Variants in TUSC3 observed in about 807,000 individuals in gnomAD.
TUSC3 encodes dolichyl-diphosphooligosaccharide--protein glycosyltransferase subunit TUSC3.
Under a neutral mutation model 44.8 loss-of-function variants are expected in TUSC3, and 45 were observed. The observed-to-expected ratio is 1.00, with a 90% CI of 0.79 to 1.29. The LOEUF (loss-of-function observed/expected upper bound fraction) is 1.29. Ranked by LOEUF, TUSC3 falls within the 50% of genes most tolerant of loss-of-function variation. The pLI is 0.00. For synonymous variants in TUSC3, 212 were observed against 152.9 expected (o/e 1.39, Z -2.85); for missense variants, 519 against 437.9 (o/e 1.19, Z -1.65).
intron 9 of TUSC3, among the ~76,000 whole-genome samples, chr8:15,749,991 T>G (rs943481853): frequency 2.2e-4 from 33 of 150,832 alleles, no homozygotes; most frequent in African/African-American, 7.8e-4. Flanking sequence ...AGATTTTTTT[T>G]TTTTTTGAAA....
chr8:15,632,029 A>G (rs1805792409), intron 2 of TUSC3, among the ~76,000 whole-genome samples: 1 of 152,118 alleles, frequency 6.6e-6, no homozygotes, highest in Non-Finnish European at 1.5e-5. Flanking sequence ...ATATAATTAG[A>G]ACACCATTAT....
chr8:15,551,154 T>G (rs1013424975), intron 1 of TUSC3, among the ~76,000 whole-genome samples: 1 of 151,748 alleles, frequency 6.6e-6, no homozygotes, highest in Non-Finnish European at 1.5e-5. Flanking sequence ...AGAAAAAGTT[T>G]CCCATTAGTT....
chr8:15,420,822 CAT>C (rs2129115027), intron 1 of TUSC3, among the ~76,000 whole-genome samples: 1 of 152,214 alleles, frequency 6.6e-6, no homozygotes, highest in Non-Finnish European at 1.5e-5. Context: ...TGTCTTAGCT[CAT>C]AGGTCACTTG....
chr8:15,520,596 C>G (rs561779032), intron 2 of TUSC3, among the ~76,000 whole-genome samples: 1 of 152,090 alleles, frequency 6.6e-6, no homozygotes, highest in Non-Finnish European at 1.5e-5. Flanking sequence ...GTGTGATAAC[C>G]AATATTTGTA....
intron 5 of TUSC3, among the ~76,000 whole-genome samples, chr8:15,673,155 C>T (rs997945328): frequency 6.6e-6 from 1 of 152,096 alleles, no homozygotes; most frequent in African/African-American, 2.4e-5. Context: ...CCAACTACAG[C>T]TTTGTCTGAT....
At chr8:15,527,505 C>G (rs1183452633) in intron 2 of TUSC3, among the ~76,000 whole-genome samples, 2 of 152,202 alleles carry the variant, frequency 1.3e-5, no homozygotes, top group African/African-American at 4.8e-5. Context: ...ATGTGAGTCA[C>G]TGTGCCCGGC....
At chr8:15,744,899 C>T (rs1342467992) in intron 8 of TUSC3, among the ~76,000 whole-genome samples, 1 of 151,958 alleles carries the variant, frequency 6.6e-6, no homozygotes, top group Admixed American at 6.6e-5. Context: ...TCTCATCACC[C>T]AATAATGAGC....
At chr8:15,627,694 C>T (rs774526494) in intron 2 of TUSC3, among the ~76,000 whole-genome samples, 2 of 152,212 alleles carry the variant, frequency 1.3e-5, no homozygotes, top group African/African-American at 2.4e-5. Flanking sequence ...GCCGGGGAAG[C>T]TGCTTGCAGT....
chr8:15,524,594 G>A (rs186016721), intron 2 of TUSC3, among the ~76,000 whole-genome samples: 75 of 152,266 alleles, frequency 4.9e-4, no homozygotes, highest in Non-Finnish European at 9.4e-4. Flanking sequence ...CTCAAAGAGC[G>A]TAATTGGTGC....
rs181316028 is a variant in TUSC3, at chr8:15,726,783, G to T, written c.799-3883G>T. Reference sequence around the variant, plus strand: ...ATCATGCCACTGCAGTCCAGCCTGGGTGAAAAGCGTGAAACTTTGTCTCAA... The same window carrying T: ...ATCATGCCACTGCAGTCCAGCCTGGTTGAAAAGCGTGAAACTTTGTCTCAA... On this transcript the variant is annotated intron_variant, in intron 6 of 10. Transcript: ENST00000503731. Among the ~76,000 whole-genome samples, 100 of 152,276 alleles carry T rather than the reference G, an allele frequency of 6.6e-4. No homozygotes were observed. In the East Asian group the frequency reaches 0.012, roughly 18 times the overall value.
chr8:15,682,401 C>T (rs566167569), intron 6 of TUSC3, among the ~76,000 whole-genome samples: 19 of 152,066 alleles, frequency 1.2e-4, no homozygotes, highest in Admixed American at 4.6e-4. Flanking sequence ...GAATCGAACT[C>T]TTTATCATTA....
the TUSC3 span, among the ~76,000 whole-genome samples, chr8:15,786,941 CAA>C: frequency 0.1 from 6,366 of 62,990 alleles, 64 homozygotes; most frequent in Middle Eastern, 0.13. Flanking sequence ...GAGACTCCAT[CAA>C]AAAAAAAAAA....
chr8:15,787,529 C>T, the TUSC3 span, among the ~76,000 whole-genome samples: 1 of 152,096 alleles, frequency 6.6e-6, no homozygotes, highest in African/African-American at 2.4e-5. Flanking sequence ...TTTATGATGT[C>T]AATGAAAACC....
At chr8:15,838,248 T>C in the TUSC3 span, among the ~76,000 whole-genome samples, 6 of 152,240 alleles carry the variant, frequency 3.9e-5, no homozygotes, top group Admixed American at 1.3e-4. Context: ...TTGAGACTTA[T>C]ACTTTGCATT....
intron 2 of TUSC3, among the ~76,000 whole-genome samples, chr8:15,631,884 T>C (rs1345023813): frequency 6.6e-6 from 1 of 152,020 alleles, no homozygotes; most frequent in Non-Finnish European, 1.5e-5. Flanking sequence ...TTTTTTTGTA[T>C]TTTTAGTAGA....
intron 2 of TUSC3, among the ~76,000 whole-genome samples, chr8:15,526,662 C>A (rs1399804656): frequency 6.6e-6 from 1 of 152,162 alleles, no homozygotes; most frequent in African/African-American, 2.4e-5. Context: ...TGTGAGGCCT[C>A]TCCAGTTACG....
At chr8:15,716,701 A>C (rs535387798) in intron 6 of TUSC3, among the ~76,000 whole-genome samples, 1 of 152,264 alleles carries the variant, frequency 6.6e-6, no homozygotes, top group East Asian at 1.9e-4. Flanking sequence ...ATTTACAAAA[A>C]ACTGCTTACC....
At chr8:15,459,832 T>TTGTGTGTGTGTGTGTG in intron 1 of TUSC3, among the ~76,000 whole-genome samples, 1 of 148,632 alleles carries the variant, frequency 6.7e-6, no homozygotes. Context: ...AGTATTCCAT[T>TTGTGTGTGTGTGTGTG]TGTGTGTGTG....
chr8:15,502,113 G>C (rs540160003), intron 2 of TUSC3, among the ~76,000 whole-genome samples: 3 of 152,204 alleles, frequency 2.0e-5, no homozygotes, highest in African/African-American at 7.2e-5. Flanking sequence ...ACTTTTAGTT[G>C]AAGCAGCAGA....
Sources: allele counts gnomAD v4.1 joint callset (sites outside exome capture counted in the v4.1 genomes callset), GRCh38; gene constraint gnomAD v4.1.1; transcripts MANE v1.5; gene names NCBI Gene and HGNC (gene_info 2026-07-23, HGNC 2026-07-21).